Variants in FLG observed in about 807,000 individuals in gnomAD.
FLG encodes the protein filaggrin.
Under a neutral mutation model 3.8 loss-of-function variants are expected in FLG, and 6 were observed. That is an observed-to-expected ratio of 1.60 (90% confidence interval 0.87 to 3.15). The LOEUF (loss-of-function observed/expected upper bound fraction) is 3.15, where lower values mean the gene tolerates loss of function less well. Among genes scored for constraint, FLG ranks in the 30% most tolerant of loss-of-function variants. FLG has a pLI of 0.00. For synonymous variants in FLG, 2,551 were observed against 1,931.6 expected (o/e 1.32, Z -8.41); for missense variants, 7,595 against 5,050.9 (o/e 1.50, Z -15.27).
Position 152,312,904 on chromosome 1 carries a change from C to T in FLG, c.1982G>A (p.Arg661Lys), listed in dbSNP as rs769937127. ...EQSRDGSRHP[R>K]SHHEDRAGHG... ...ACCAGCTCTGTCTTCGTGATGGGAC[C>T]TGGGGTGTCTGGAGCCATCTCTTGA... The change falls in exon 3 of 3, where the codon AGG (arginine) becomes AAG (lysine). Residue 661 changes from arginine (R) to lysine (K), a missense_variant. Coordinates refer to ENST00000368799, the MANE Select transcript of FLG (RefSeq NM_002016.2). The T allele has an allele frequency of 2.5e-6, 4 of 1,613,930 alleles. No individual in the cohort carries two copies. Among genetic ancestry groups the T allele is most frequent in the Admixed American group, 3.3e-5 (2 of 60,002 alleles).
Position 152,310,949 on chromosome 1 carries a change from G to C in FLG, c.3937C>G (p.Gln1313Glu), listed in dbSNP as rs372927908. The change falls in exon 3 of 3, where the codon CAA becomes GAA. Residue 1313 changes from glutamine to glutamate, a missense_variant. By Grantham distance (29) the Gln-to-Glu change is conservative. Coordinates refer to ENST00000368799, the MANE Select transcript of FLG (RefSeq NM_002016.2). ...TGCCCGTGACTGGCTCTGTCTTCTT[G>C]ATGGAACCCAGGGTGTCTGGAGCCA... ...RDGSRHPGFH[Q>E]EDRASHGHSA... is the part of the protein sequence containing the mutation. The C allele has an allele frequency of 6.2e-7, 1 of 1,614,040 alleles. No individual in the cohort carries two copies. The highest frequency in any genetic ancestry group is 1.1e-5 in the South Asian group (1 of 91,054).
In FLG at chr1:152,311,183, AC is replaced by A. The variant is rs397507563; in HGVS notation, c.3702del (p.Ser1235HisfsTer211). Reference protein sequence around the residue: ...KQSGDGSRHSGSRHHEAASWA... With the variant: ...KQSGDGSRHSXSRHHEAASWA... ...CAAGAGGCAGCTTCATGGTGACGTG[AC>A]CCTGAGTGCCTGGAGCCGTCTCCTG... On this transcript the variant is annotated frameshift_variant, in exon 3 of 3. Coordinates refer to ENST00000368799, the MANE Select transcript of FLG (RefSeq NM_002016.2). LOFTEE classifies it low-confidence loss of function (END_TRUNC). 434 of 1,612,100 alleles carry A rather than the reference AC, an allele frequency of 2.7e-4. No individual in the cohort carries two copies. Among genetic ancestry groups the A allele is most frequent in the South Asian group, 3.5e-4 (32 of 90,942 alleles).
rs750334731 is a variant in FLG, at chr1:152,308,240, A to C, written c.6646T>G (p.Trp2216Gly). The change falls in exon 3 of 3, where the codon TGG becomes GGG. Residue 2216 changes from tryptophan to glycine, a missense_variant. Coordinates refer to ENST00000368799, the MANE Select transcript of FLG (RefSeq NM_002016.2). ...AGTGAGTGTCTAGAGCTGTCGGCCC[A>C]AGAGGAAGCTTCATGATGATGCGAC... ...SGSHHHEASSWADSSRHSLVG... is the reference protein window; with the variant it reads ...SGSHHHEASSGADSSRHSLVG... 4.3e-6 allele frequency: 7 copies of C among 1,613,128 alleles called. No individual in the cohort carries two copies. The Admixed American group carries it at 5.0e-5, about 12-fold the overall frequency.
At position 152,304,825 on chromosome 1, in the gene FLG, G is replaced by C; in HGVS notation, c.10061C>G (p.Ser3354Ter). The stretch of plus-strand genomic sequence containing the variant: ...CCCAGCCTGTCCATGGCCTGACACT[G>C]ACTGTGTGTCTGACTCTTCTGAATG... Reference protein sequence around the residue: ...EGHSEESDTQSVSGHGQAGPH... With the variant: ...EGHSEESDTQ Residue 3354 changes from serine (S) to a stop codon, truncating the protein, a stop_gained, in exon 3 of 3, where the codon TCA becomes TGA. Transcript: ENST00000368799. LOFTEE classifies it low-confidence loss of function (END_TRUNC). 6.2e-7 allele frequency: 1 copy of C among 1,613,946 alleles called. No individual in the cohort carries two copies. Among genetic ancestry groups the C allele is most frequent in the Non-Finnish European group, 8.5e-7 (1 of 1,179,998 alleles).
chr1:152,322,188 A>G (rs1653001034), intron 1 of FLG, among the ~76,000 whole-genome samples: 3 of 151,176 alleles, frequency 2.0e-5, no homozygotes, highest in Admixed American at 2.0e-4. Flanking sequence ...TGGGAATGAA[A>G]CTAGTATGCC....
Position 152,302,554 on chromosome 1 carries a change from C to A in FLG, c.*146G>T. ...ATCATTACACAATAAAAATAAGCTA[C>A]CACCAAACTAATGAAATACTATAGC... is the stretch of plus-strand genomic sequence containing the variant. On this transcript the variant is annotated 3_prime_UTR_variant, in exon 3 of 3. Coordinates refer to ENST00000368799, the MANE Select transcript of FLG (RefSeq NM_002016.2). The A allele has an allele frequency of 9.9e-7, 1 of 1,010,222 alleles. No individual in the cohort carries two copies. The highest frequency in any genetic ancestry group is 2.6e-5 in the East Asian group (1 of 38,358). The allele number at this position is 1,010,222 out of a possible 1,614,324, so 62.6% of individuals were successfully genotyped here.
Position 152,311,907 on chromosome 1 carries a change from G to C in FLG, c.2979C>G (p.Ala993=), listed in dbSNP as rs533911903. 7 of 1,613,908 alleles carry C rather than the reference G, an allele frequency of 4.3e-6. No homozygotes were observed. The highest frequency in any genetic ancestry group is 5.9e-6 in the Non-Finnish European group (7 of 1,179,990). ...RHPRSHHEDR[A]GHGHSADSSR... is the part of the protein sequence containing the mutation. ...AGCTGTCTGCAGAGTGCCCGTGACC[G>C]GCTCTGTCTTCGTGATGGGACCTGG... Residue 993 remains alanine, a synonymous_variant, in exon 3 of 3, where the codon GCC becomes GCG. Transcript: ENST00000368799.
At position 152,302,534 on chromosome 1, in the gene FLG, T is replaced by C; in HGVS notation, c.*166A>G. 1.2e-6 allele frequency: 1 copy of C among 841,766 alleles called. No individual in the cohort carries two copies. Among genetic ancestry groups the C allele is most frequent in the Non-Finnish European group, 1.8e-6 (1 of 556,160 alleles). 52.1% of individuals were successfully genotyped at this position (841,766 alleles called of 1,614,324 possible). On this transcript the variant is annotated 3_prime_UTR_variant, in exon 3 of 3. Transcript: ENST00000368799. ...CTGAAATATAGCGTTTAAAGATCATTACACAATAAAAATAAGCTACCACCA... is the reference window on the plus strand; with the variant it reads ...CTGAAATATAGCGTTTAAAGATCATCACACAATAAAAATAAGCTACCACCA...
rs750879496 is a variant in FLG at position 152,309,707 on chromosome 1, C to G, written c.5179G>C (p.Glu1727Gln). 3 of 1,613,954 alleles carry G rather than the reference C, an allele frequency of 1.9e-6. No homozygotes were observed. Among genetic ancestry groups the G allele is most frequent in the Non-Finnish European group, 2.5e-6 (3 of 1,180,012 alleles). ...GACACTGACTGTGTGTCTGACTCTTCTGAGTGTCCCTCGCTGTCACTGGCC... is the reference window on the plus strand; with the variant it reads ...GACACTGACTGTGTGTCTGACTCTTGTGAGTGTCCCTCGCTGTCACTGGCC... ...SQASDSEGHS[E>Q]ESDTQSVSAH... is the part of the protein sequence containing the mutation. The change falls in exon 3 of 3, where the codon GAA becomes CAA. Residue 1727 changes from glutamate to glutamine, a missense_variant. By Grantham distance (29) the Glu-to-Gln change is conservative. Coordinates refer to ENST00000368799, the MANE Select transcript of FLG (RefSeq NM_002016.2).
chr1:152,311,130 C>G lies in FLG; in HGVS notation c.3756G>C (p.Val1252=), dbSNP rs1652387325. 1.2e-6 allele frequency: 2 copies of G among 1,613,840 alleles called. No individual in the cohort carries two copies. Among genetic ancestry groups the G allele is most frequent in the African/African-American group, 1.3e-5 (1 of 74,928 alleles). The change falls in exon 3 of 3, where the codon GTG becomes GTC. Residue 1252 remains valine, a synonymous_variant. Coordinates refer to ENST00000368799, the MANE Select transcript of FLG (RefSeq NM_002016.2). The part of the protein sequence containing the change: ...SWADSSRHSQ[V]GQEQSSGSRT... ...TGGACCCCGATGATTGTTCCTGTCC[C>G]ACCTGTGAGTGTCTAGAGCTGTCAG...
At position 152,313,728 on chromosome 1, in the gene FLG, G is replaced by A. The variant is rs139754714; in HGVS notation, c.1158C>T (p.Ser386=). 1.3e-5 allele frequency: 21 copies of A among 1,614,042 alleles called. No homozygotes were observed. Among genetic ancestry groups the A allele is most frequent in the Admixed American group, 5.0e-5 (3 of 60,012 alleles). ...AGCTGTCTGCTGACTGCTGGTGGCC[G>A]GATCCATGTCTTTCTCCTGGACTTG... ...ARSSPGERHG[S]GHQQSADSSR... The change falls in exon 3 of 3, where the codon TCC becomes TCT. Residue 386 remains serine (S), a synonymous_variant. Coordinates refer to ENST00000368799, the MANE Select transcript of FLG (RefSeq NM_002016.2).
chr1:152,309,938 A>T lies in FLG; in HGVS notation c.4948T>A (p.Ser1650Thr). The change falls in exon 3 of 3, where the codon TCC becomes ACC. Residue 1650 changes from serine (S) to threonine (T), a missense_variant. Ser to Thr is a moderately conservative substitution (Grantham distance 58). Transcript: ENST00000368799. ...RASHGHSAES[S>T]RQSGTRHAET... Reference sequence around the variant, plus strand: ...GCATGACGAGTGCCTGATTGTCTGGAGCTCTCTGCAGAGTGCCCATGACTG... The same window carrying T: ...GCATGACGAGTGCCTGATTGTCTGGTGCTCTCTGCAGAGTGCCCATGACTG... 1 of 1,613,938 alleles carries T rather than the reference A, an allele frequency of 6.2e-7. No homozygotes were observed. Among genetic ancestry groups the T allele is most frequent in the Non-Finnish European group, 8.5e-7 (1 of 1,179,996 alleles).
In FLG at chr1:152,302,729, G is replaced by A. The variant is rs771179731; in HGVS notation, c.12157C>T (p.Gln4053Ter). 6.2e-7 allele frequency: 1 copy of A among 1,613,768 alleles called. No homozygotes were observed. Among genetic ancestry groups the A allele is most frequent in the Admixed American group, 1.7e-5 (1 of 60,024 alleles). The change falls in exon 3 of 3, where the codon CAG becomes TAG. Residue 4053 changes from glutamine (Q) to a stop codon, truncating the protein, a stop_gained. Transcript: ENST00000368799. LOFTEE classifies it low-confidence loss of function (END_TRUNC). ...SDISKQLGFS[Q>*]SQRYYYYE ...TCATAGTAATAGTATCTCTGTGACT[G>A]ACTAAATCCCAGTTGTTTCGATATA...
In FLG at chr1:152,316,492, A is replaced by T. The variant is rs569238288; in HGVS notation, c.-21-1015T>A. On this transcript the variant is annotated intron_variant, in intron 1 of 2. Coordinates refer to ENST00000368799, the MANE Select transcript of FLG (RefSeq NM_002016.2). ...CAGAAAGCATAAAATAAATTAATAGAATTACAAATAATTTTATTATTACTA... is the reference window on the plus strand; with the variant it reads ...CAGAAAGCATAAAATAAATTAATAGTATTACAAATAATTTTATTATTACTA... Among the ~76,000 whole-genome samples the T allele has an allele frequency of 2.0e-5, 3 of 152,222 alleles. No individual in the cohort carries two copies. The South Asian group carries it at 6.2e-4, about 32-fold the overall frequency.
rs767216620 is a variant in FLG at position 152,304,324 on chromosome 1, G to A, written c.10562C>T (p.Ser3521Phe). The A allele has an allele frequency of 2.5e-6, 4 of 1,611,644 alleles. 1 individual carries two copies. Among genetic ancestry groups the A allele is most frequent in the Non-Finnish European group, 3.4e-6 (4 of 1,178,880 alleles). ...GGGCCCCGCTGATTGTCCCTGGCCG[G>A]ACTGTGAGTGTCTAGAGCTGTCCGC... ...TQADSSRHSQ[S>F]GQGQSAGPRT... The change falls in exon 3 of 3, where the codon TCC becomes TTC. Residue 3521 changes from serine (S) to phenylalanine (F), a missense_variant. Transcript: ENST00000368799.
In FLG at chr1:152,314,352, A is replaced by T. The variant is rs1652689012; in HGVS notation, c.534T>A (p.His178Gln). 6.2e-7 allele frequency: 1 copy of T among 1,612,194 alleles called. No individual in the cohort carries two copies. Among genetic ancestry groups the T allele is most frequent in the Non-Finnish European group, 8.5e-7 (1 of 1,179,446 alleles). Residue 178 changes from histidine to glutamine, a missense_variant, in exon 3 of 3, where the codon CAT (histidine) becomes CAA (glutamine). Physicochemically the swap from His to Gln is conservative, Grantham distance 24 (BLOSUM62 0). Transcript: ENST00000368799. The stretch of plus-strand genomic sequence containing the variant: ...TGTTTTTCTCTTTTTTACTTGAGTT[A>T]TGATGGTTTTTTCCATATTCTTCTT... Reference protein sequence around the residue: ...HREEEYGKNHHNSSKKEKNKT... With the variant: ...HREEEYGKNHQNSSKKEKNKT...
rs148050570 is a variant in FLG at position 152,307,267 on chromosome 1, C to G, written c.7619G>C (p.Arg2540Pro). 4.4e-6 allele frequency: 7 copies of G among 1,606,754 alleles called. No homozygotes were observed. Among genetic ancestry groups the G allele is most frequent in the Non-Finnish European group, 5.9e-6 (7 of 1,179,838 alleles). ...CTGCGAGTGTCCAGAGCTGTCGGCC[C>G]GAGAGGAAGCTTCATGGTGACGCGA... Reference protein sequence around the residue: ...SGSRHHEASSRADSSGHSQVG... With the variant: ...SGSRHHEASSPADSSGHSQVG... The change falls in exon 3 of 3, where the codon CGG (arginine) becomes CCG (proline). Residue 2540 changes from arginine (R) to proline (P), a missense_variant. Arg to Pro is a moderately radical substitution (Grantham distance 103). Coordinates refer to ENST00000368799, the MANE Select transcript of FLG (RefSeq NM_002016.2).
chr1:152,312,949 T>C lies in FLG; in HGVS notation c.1937A>G (p.His646Arg), dbSNP rs768275109. The C allele has an allele frequency of 2.2e-5, 36 of 1,613,712 alleles. 1 individual carries two copies. Among genetic ancestry groups the C allele is most frequent in the Non-Finnish European group, 2.8e-5 (33 of 1,179,966 alleles). ...TCTTGACTGCTCCTGAGCAGATCCATGATGGTTTCTGGAAGCAGACCCAGA... is the reference window on the plus strand; with the variant it reads ...TCTTGACTGCTCCTGAGCAGATCCACGATGGTTTCTGGAAGCAGACCCAGA... ...RWSGSASRNH[H>R]GSAQEQSRDG... The change falls in exon 3 of 3, where the codon CAT becomes CGT. Residue 646 changes from histidine to arginine, a missense_variant. His to Arg is a conservative substitution (Grantham distance 29). Transcript: ENST00000368799.
In FLG at chr1:152,307,856, A is replaced by T. The variant is rs774285838; in HGVS notation, c.7030T>A (p.Ser2344Thr). ...GAAGCTTGTCCGTGCCCAATGCCTG[A>T]GTGTCTGGAGCTGTCTGCTGACTGC... ...HQQSADSSRH[S>T]GIGHGQASSA... is the part of the protein sequence containing the mutation. The change falls in exon 3 of 3, where the codon TCA (serine) becomes ACA (threonine). Residue 2344 changes from serine (S) to threonine (T), a missense_variant. Transcript: ENST00000368799. The T allele has an allele frequency of 1.9e-6, 3 of 1,612,594 alleles. No individual in the cohort carries two copies. The South Asian group carries it at 3.3e-5, about 18-fold the overall frequency.
Sources: allele counts gnomAD v4.1 joint callset (sites outside exome capture counted in the v4.1 genomes callset), GRCh38; gene constraint gnomAD v4.1.1; transcripts MANE v1.5; gene names NCBI Gene and HGNC (gene_info 2026-07-23, HGNC 2026-07-21).